PDS5A: variants seen among roughly 807,000 people sequenced by gnomAD.
The protein encoded by PDS5A is PDS5 cohesin associated factor A.
A neutral mutation model predicts 167.1 loss-of-function variants in PDS5A; 42 were observed. That is an observed-to-expected ratio of 0.25 (90% CI 0.20 to 0.33). The LOEUF (loss-of-function observed/expected upper bound fraction) is 0.33. Ranked by LOEUF, PDS5A falls within the 10% of genes least tolerant of loss-of-function variation. The probability of loss-of-function intolerance (pLI) is 1.00; values close to 1 mark genes in which losing one functional copy is unlikely to be tolerated. For missense variants in PDS5A, 1,033 were observed against 1,605.9 expected (o/e 0.64, Z 6.10); for synonymous variants, 553 against 554.6 (o/e 1.00, Z 0.04).
chr4:39,910,472 CTGAAGGAAGAATA>C lies in PDS5A; in HGVS notation c.993-147_993-135del. ...AAAATTTGTTATGAGCTAAGGTATT[CTGAAGGAAGAATA>C]TAAAGTACACTATAAGGTGAAAGGA... On this transcript the variant is annotated intron_variant, in intron 9 of 32. Transcript: ENST00000303538. 3 of 574,980 alleles carry C rather than the reference CTGAAGGAAGAATA, an allele frequency of 5.2e-6. No homozygotes were observed. The South Asian group carries it at 6.9e-5, about 13-fold the overall frequency. 35.6% of individuals were successfully genotyped at this position (574,980 alleles called of 1,614,324 possible).
intron 27 of PDS5A, 56 bp from the exon 28 acceptor site, chr4:39,849,026 A>G (rs1717883382): frequency 8.6e-7 from 1 of 1,167,740 alleles, no homozygotes; most frequent in Non-Finnish European, 1.2e-6. Context: ...AATCATAATT[A>G]CCAATTCCAC....
At chr4:39,964,571 T>C (rs1395848086) in intron 2 of PDS5A, among the ~76,000 whole-genome samples, 1 of 152,164 alleles carries the variant, frequency 6.6e-6, no homozygotes, top group Non-Finnish European at 1.5e-5. Context: ...TGGTGGGGTT[T>C]TGCGCCTGTA....
rs1416718793 is a variant in PDS5A, at chr4:39,824,268, G to GA, written c.*1216dup. On this transcript the variant is annotated 3_prime_UTR_variant, in exon 33 of 33. Coordinates refer to ENST00000303538, the MANE Select transcript of PDS5A (RefSeq NM_001100399.2). ...TGTTATGACTTTAGCTCTTTAACAT[G>GA]AAAAAATTCACAAGAAAGCATATGA... 1.3e-5 allele frequency: 2 copies of GA among 152,092 alleles called. No individual in the cohort carries two copies. Among genetic ancestry groups the GA allele is most frequent in the Non-Finnish European group, 2.9e-5 (2 of 68,010 alleles). The allele number at this position is 152,092 out of a possible 1,614,324, so 9.4% of individuals were successfully genotyped here.
chr4:39,964,931 ACT>A (rs1406615761), intron 2 of PDS5A, among the ~76,000 whole-genome samples: 3 of 151,954 alleles, frequency 2.0e-5, no homozygotes, highest in Non-Finnish European at 2.9e-5. Flanking sequence ...TGACAGAAAG[ACT>A]CTGTCTCAAA....
Position 39,913,639 on chromosome 4 carries a change from G to T in PDS5A, c.964C>A (p.Arg322Ser). ...CCAAGAAAACATTGCCAAAGAGGAC[G>T]ATTCTGTGTTGCCAAATCAGAATCT... ...SKDSDLATQN[R>S]PLWQCFLGRF... is the part of the protein sequence containing the mutation. The change falls in exon 9 of 33, where the codon CGT becomes AGT. Residue 322 changes from arginine to serine, a missense_variant. Arg to Ser is a moderately radical substitution (Grantham distance 110). Around this residue, in one of 4 missense-constraint regions of PDS5A, gnomAD observed 388 missense variants for 615.1 expected, o/e 0.63. Transcript: ENST00000303538. The T allele has an allele frequency of 6.2e-7, 1 of 1,604,992 alleles. No homozygotes were observed. The highest frequency in any genetic ancestry group is 1.1e-5 in the South Asian group (1 of 90,934).
rs1228432404 is a variant in PDS5A at position 39,841,952 on chromosome 4, T to G, written c.3653A>C (p.Asn1218Thr). ...TPVKNIDPVK[N>T]KEINSDQATQ... Reference sequence around the variant, plus strand: ...TTGTTAAATTTTAAAATTTACCTTATTCTTTACTGGGTCAATATTCTTTAC... The same window carrying G: ...TTGTTAAATTTTAAAATTTACCTTAGTCTTTACTGGGTCAATATTCTTTAC... Residue 1218 changes from asparagine (N) to threonine (T), a missense_variant, in exon 31 of 33, where the codon AAT (asparagine) becomes ACT (threonine). Coordinates refer to ENST00000303538, the MANE Select transcript of PDS5A (RefSeq NM_001100399.2). The G allele has an allele frequency of 6.5e-7, 1 of 1,538,204 alleles. No homozygotes were observed. Among genetic ancestry groups the G allele is most frequent in the Non-Finnish European group, 9.0e-7 (1 of 1,112,624 alleles).
intron 2 of PDS5A, chr4:39,974,345 A>T: frequency 2.1e-6 from 1 of 469,222 alleles, no homozygotes. Flanking sequence ...TCAACTTTCC[A>T]TTTTTTAACC....
chr4:39,851,270 G>A (rs1267204466), intron 26 of PDS5A, among the ~76,000 whole-genome samples: 3 of 151,472 alleles, frequency 2.0e-5, no homozygotes, highest in East Asian at 1.9e-4. Context: ...AAGAAAAATC[G>A]TCACCATTAT....
chr4:39,956,959 C>T (rs1438838512), intron 2 of PDS5A, among the ~76,000 whole-genome samples: 3 of 152,156 alleles, frequency 2.0e-5, no homozygotes, highest in Non-Finnish European at 2.9e-5. Flanking sequence ...AGGCGTGAGC[C>T]ACCTCACCCA....
At chr4:39,967,604 G>A (rs1456361817) in intron 2 of PDS5A, among the ~76,000 whole-genome samples, 3 of 151,776 alleles carry the variant, frequency 2.0e-5, no homozygotes, top group Admixed American at 6.6e-5. Context: ...CCAAGATCGC[G>A]CCACTGCACT....
At chr4:39,859,855 G>GC (rs1333910402) in intron 26 of PDS5A, among the ~76,000 whole-genome samples, 2 of 152,190 alleles carry the variant, frequency 1.3e-5, no homozygotes, top group African/African-American at 4.8e-5. Context: ...AAAGAGCAGG[G>GC]CACTGACTGT....
At chr4:39,923,259 C>T (rs573912906) in intron 5 of PDS5A, among the ~76,000 whole-genome samples, 6 of 144,656 alleles carry the variant, frequency 4.1e-5, no homozygotes, top group Non-Finnish European at 7.5e-5. Context: ...AACTGGGAGG[C>T]GGAGTTTGCA....
chr4:39,888,163 G>A (rs75909792), intron 17 of PDS5A, among the ~76,000 whole-genome samples: 3,660 of 149,022 alleles, frequency 0.025, 149 homozygotes, highest in East Asian at 0.18. Context: ...GCAGAACTGC[G>A]TGAACCTGGG....
intron 23 of PDS5A, among the ~76,000 whole-genome samples, chr4:39,865,900 C>A (rs969581343): frequency 6.6e-6 from 1 of 152,144 alleles, no homozygotes; most frequent in African/African-American, 2.4e-5. Context: ...TAATCTTGGC[C>A]CCTACTAAAT....
intron 14 of PDS5A, among the ~76,000 whole-genome samples, chr4:39,900,108 A>G (rs1365222722): frequency 2.6e-5 from 4 of 152,304 alleles, no homozygotes; most frequent in African/African-American, 9.6e-5. Flanking sequence ...GCAGTGAAAA[A>G]GAAATATGAT....
At chr4:39,921,340 C>A (rs1488307793) in intron 6 of PDS5A, among the ~76,000 whole-genome samples, 1 of 152,162 alleles carries the variant, frequency 6.6e-6, no homozygotes, top group African/African-American at 2.4e-5. Context: ...AGCTTCTTGA[C>A]CCCTGCTCTA....
intron 2 of PDS5A, among the ~76,000 whole-genome samples, chr4:39,962,489 A>G (rs1044805315): frequency 1.1e-4 from 17 of 152,140 alleles, no homozygotes; most frequent in African/African-American, 4.1e-4. Flanking sequence ...GGAAAACATT[A>G]ATTAGCTTAT....
chr4:39,872,493 C>T (rs913107545), intron 21 of PDS5A, among the ~76,000 whole-genome samples: 3 of 151,850 alleles, frequency 2.0e-5, no homozygotes, highest in African/African-American at 4.8e-5. Context: ...AGCGAAACCC[C>T]GTCTCTACTA....
At chr4:39,868,539 G>C in intron 22 of PDS5A, 1 of 407,480 alleles carries the variant, frequency 2.5e-6, no homozygotes, top group South Asian at 1.8e-5. Context: ...ATGTTGTCCA[G>C]ACTGGTCTTG....
Sources: allele counts gnomAD v4.1 joint callset (sites outside exome capture counted in the v4.1 genomes callset), GRCh38; gene constraint gnomAD v4.1.1; regional missense constraint gnomAD v4.1.1; transcripts MANE v1.5; gene names NCBI Gene and HGNC (gene_info 2026-07-23, HGNC 2026-07-21).